The following CHP1 variants were observed in gnomAD, a reference collection of about 807,000 sequenced individuals.
The protein encoded by CHP1 is calcineurin B homologous protein 1.
A neutral mutation model predicts 27.4 loss-of-function variants in CHP1; 11 were observed. That is an observed-to-expected ratio of 0.40 (90% CI 0.25 to 0.67). CHP1 has a LOEUF of 0.67. Ranked by LOEUF, CHP1 falls within the 30% of genes least tolerant of loss-of-function variation. The probability of loss-of-function intolerance (pLI) is 0.38; values close to 1 mark genes in which losing one functional copy is unlikely to be tolerated. For synonymous variants in CHP1, 89 were observed against 87.4 expected (o/e 1.02, Z -0.10); for missense variants, 169 against 251.3 (o/e 0.67, Z 2.22).
chr15:41,244,241 T>C (rs570572152), intron 2 of CHP1, among the ~76,000 whole-genome samples: 1 of 152,046 alleles, frequency 6.6e-6, no homozygotes, highest in East Asian at 1.9e-4. Flanking sequence ...TTAAATGCAT[T>C]AACAGATGTG....
chr15:41,274,485 C>A (rs1196850552), intron 5 of CHP1, among the ~76,000 whole-genome samples: 1 of 152,062 alleles, frequency 6.6e-6, no homozygotes, highest in Non-Finnish European at 1.5e-5. Context: ...AATGCTTAGG[C>A]TCAAGTGATC....
intron 5 of CHP1, among the ~76,000 whole-genome samples, chr15:41,274,052 C>T (rs1288068727): frequency 6.6e-6 from 1 of 151,990 alleles, no homozygotes; most frequent in African/African-American, 2.4e-5. Context: ...CCTCCGCCTC[C>T]CGGGTTCAAG....
At chr15:41,265,235 A>G (rs77898554) in intron 4 of CHP1, among the ~76,000 whole-genome samples, 20,754 of 151,582 alleles carry the variant, frequency 0.14, 2,214 homozygotes, top group African/African-American at 0.3. Flanking sequence ...ATAATGGTGG[A>G]TGCCTGTAAT....
chr15:41,265,662 G>A (rs1226983944), intron 4 of CHP1, among the ~76,000 whole-genome samples: 1 of 149,460 alleles, frequency 6.7e-6, no homozygotes, highest in Non-Finnish European at 1.5e-5. Flanking sequence ...AGTTAGCCGA[G>A]ATTGCACCAT....
chr15:41,232,957 C>A (rs558116108), intron 1 of CHP1, among the ~76,000 whole-genome samples: 176 of 152,308 alleles, frequency 1.2e-3, no homozygotes, highest in Middle Eastern at 0.01. Context: ...TTTCAGCCTC[C>A]CCTAAAATAT....
In CHP1 at chr15:41,267,641, G is replaced by A. The variant is rs146406481; in HGVS notation, c.350-2916G>A. Among the ~76,000 whole-genome samples, 216 of 150,886 alleles carry A rather than the reference G, an allele frequency of 1.4e-3. 1 individual carries two copies. Among genetic ancestry groups the A allele is most frequent in the African/African-American group, 5.1e-3 (209 of 41,034 alleles). Reference sequence around the variant, plus strand: ...CGCGCCACTGCACTCCAGCCTGGGTGACAGAGCAAGACTCCGTCTCCCAAA... The same window carrying A: ...CGCGCCACTGCACTCCAGCCTGGGTAACAGAGCAAGACTCCGTCTCCCAAA... On this transcript the variant is annotated intron_variant, in intron 4 of 6. Transcript: ENST00000334660.
chr15:41,272,852 T>A (rs2047497795), intron 5 of CHP1, among the ~76,000 whole-genome samples: 2 of 151,926 alleles, frequency 1.3e-5, no homozygotes, highest in Admixed American at 1.3e-4. Context: ...ATCGAGACCA[T>A]CCTGGCTAAC....
At chr15:41,248,313 T>C (rs1486560900) in intron 2 of CHP1, among the ~76,000 whole-genome samples, 1 of 152,198 alleles carries the variant, frequency 6.6e-6, no homozygotes, top group African/African-American at 2.4e-5. Context: ...TATGCCTGGC[T>C]AATTTTTTTT....
chr15:41,269,528 T>G (rs1194385572), intron 4 of CHP1, among the ~76,000 whole-genome samples: 1 of 152,166 alleles, frequency 6.6e-6, no homozygotes, highest in African/African-American at 2.4e-5. Flanking sequence ...TTACCTCTCC[T>G]TGATATTTCC....
intron 4 of CHP1, chr15:41,264,019 C>G (rs957308910): frequency 3.8e-5 from 15 of 392,644 alleles, no homozygotes; most frequent in Non-Finnish European, 7.2e-5. Context: ...ATTAGGCCGG[C>G]AGGAGGGTTG....
chr15:41,233,223 G>A lies in CHP1; in HGVS notation c.67+1774G>A, dbSNP rs116593514. 7.8e-3 allele frequency among the ~76,000 whole-genome samples: 1,188 copies of A among 152,222 alleles called. 19 individuals are homozygous for A. Among genetic ancestry groups the A allele is most frequent in the African/African-American group, 0.028 (1,142 of 41,526 alleles). On this transcript the variant is annotated intron_variant, in intron 1 of 6. Transcript: ENST00000334660. ...ACTACTTTAGGTCTAGGGTGACACC[G>A]AATTAAAGTATTTGTGTTAAAGAGT...
At chr15:41,231,999 A>G (rs895000139) in intron 1 of CHP1, among the ~76,000 whole-genome samples, 1 of 152,096 alleles carries the variant, frequency 6.6e-6, no homozygotes, top group Non-Finnish European at 1.5e-5. Flanking sequence ...TTAAACAATC[A>G]GGGGTCTGGG....
At chr15:41,274,059 C>G (rs1235778643) in intron 5 of CHP1, among the ~76,000 whole-genome samples, 1 of 151,998 alleles carries the variant, frequency 6.6e-6, no homozygotes, top group African/African-American at 2.4e-5. Flanking sequence ...CTCCCGGGTT[C>G]AAGTGATTCT....
intron 4 of CHP1, among the ~76,000 whole-genome samples, chr15:41,263,792 T>A (rs2047445131): frequency 6.6e-6 from 1 of 152,148 alleles, no homozygotes; most frequent in Non-Finnish European, 1.5e-5. Flanking sequence ...GGAGAATTGC[T>A]TGAGCCTGAG....
In CHP1 at chr15:41,279,419, T is replaced by C. The variant is rs567307836; in HGVS notation, c.*30T>C. The stretch of plus-strand genomic sequence containing the variant: ...GACCAAACTGTTCCTTGCGGTCTAG[T>C]ATTTAAGAACTGGAACTTGAAAGTC... On this transcript the variant is annotated 3_prime_UTR_variant, in exon 7 of 7. Transcript: ENST00000334660. 3.3e-5 allele frequency: 53 copies of C among 1,598,378 alleles called. No homozygotes were observed. Among genetic ancestry groups the C allele is most frequent in the East Asian group, 2.7e-4 (12 of 44,816 alleles).
chr15:41,267,384 G>A lies in CHP1; in HGVS notation c.350-3173G>A, dbSNP rs202112947. 5.3e-5 allele frequency among the ~76,000 whole-genome samples: 8 copies of A among 152,018 alleles called. No homozygotes were observed. In the East Asian group the frequency reaches 1.4e-3, roughly 26 times the overall value. On this transcript the variant is annotated intron_variant, in intron 4 of 6. Transcript: ENST00000334660. ...CACAATAAAAAAAAAAGAAGCAGCC[G>A]GGCATGGTGGCTTATTCCTGTAATC... is the stretch of plus-strand genomic sequence containing the variant.
intron 1 of CHP1, among the ~76,000 whole-genome samples, chr15:41,240,999 G>C (rs7169725): frequency 1 from 151,956 of 152,094 alleles, 75,909 homozygotes; most frequent in Middle Eastern, 1. Flanking sequence ...ACTAGAGGCA[G>C]ACGCCACCAC....
chr15:41,264,789 T>G (rs554149967), intron 4 of CHP1, among the ~76,000 whole-genome samples: 15 of 152,300 alleles, frequency 9.8e-5, no homozygotes, highest in African/African-American at 3.6e-4. Context: ...TGGATTAACT[T>G]TTATAGGAAG....
rs548304984 is a variant in CHP1, at chr15:41,237,795, C to T, written c.68-5872C>T. ...AGGCTGGAGTGCAGTGGTGCAATCC[C>T]GCCTCCCGGGTTCAAGGGATTCTCC... On this transcript the variant is annotated intron_variant, in intron 1 of 6. Coordinates refer to ENST00000334660, the MANE Select transcript of CHP1 (RefSeq NM_007236.5). Among the ~76,000 whole-genome samples, 238 of 152,080 alleles carry T rather than the reference C, an allele frequency of 1.6e-3. 2 individuals are homozygous for T. Among genetic ancestry groups the T allele is most frequent in the Non-Finnish European group, 2.3e-3 (154 of 67,974 alleles).
Sources: allele counts gnomAD v4.1 joint callset (sites outside exome capture counted in the v4.1 genomes callset), GRCh38; gene constraint gnomAD v4.1.1; transcripts MANE v1.5; gene names NCBI Gene and HGNC (gene_info 2026-07-23, HGNC 2026-07-21).